Variants in RBFOX1 observed in about 807,000 individuals in gnomAD.
The protein encoded by RBFOX1 is RNA binding fox-1 homolog 1, also known as RNA binding protein fox-1 homolog 1.
Under a neutral mutation model 57.7 loss-of-function variants are expected in RBFOX1, and 8 were observed. The observed-to-expected ratio is 0.14, with a 90% CI of 0.08 to 0.25. The LOEUF is 0.25. Ranked by LOEUF, RBFOX1 falls within the 10% of genes least tolerant of loss-of-function variation. The probability of loss-of-function intolerance (pLI) is 1.00; values close to 1 mark genes in which losing one functional copy is unlikely to be tolerated. For missense variants in RBFOX1, 611 were observed against 548.5 expected (o/e 1.11, Z -1.14); for synonymous variants, 326 against 222.4 (o/e 1.47, Z -4.15).
chr16:6,365,232 A>C (rs576470060), intron 2 of RBFOX1, among the ~76,000 whole-genome samples: 2 of 152,104 alleles, frequency 1.3e-5, no homozygotes, highest in African/African-American at 2.4e-5. Context: ...AGATGGGTAG[A>C]TGGATGGATA....
chr16:6,806,824 A>AT (rs2086906992), intron 3 of RBFOX1, among the ~76,000 whole-genome samples: 3 of 69,746 alleles, frequency 4.3e-5, no homozygotes, highest in Admixed American at 1.6e-4. Context: ...ATAAATATAT[A>AT]TATATATATA....
At chr16:5,984,964 ATATATATATATATTTTTTTT>A (rs1238861163) in intron 4 of RBFOX1, among the ~76,000 whole-genome samples, 4 of 42,046 alleles carry the variant, frequency 9.5e-5, no homozygotes, top group Non-Finnish European at 1.4e-4. Flanking sequence ...ATATATATAT[ATATATATATATATTTTTTTT>A]TTTTTTTTTT....
intron 4 of RBFOX1, among the ~76,000 whole-genome samples, chr16:7,157,058 C>A (rs192422445): frequency 6.6e-6 from 1 of 152,186 alleles, no homozygotes; most frequent in South Asian, 2.1e-4. Context: ...TGTTTTTCCC[C>A]TATTATACTT....
chr16:7,701,723 C>G (rs1381837198), intron 14 of RBFOX1, among the ~76,000 whole-genome samples: 2 of 151,286 alleles, frequency 1.3e-5, no homozygotes, highest in African/African-American at 4.8e-5. Flanking sequence ...CAAATTAAAA[C>G]TAGGAGAAGG....
intron 3 of RBFOX1, among the ~76,000 whole-genome samples, chr16:5,835,580 C>T (rs886999326): frequency 6.6e-6 from 1 of 152,290 alleles, no homozygotes; most frequent in South Asian, 2.1e-4. Flanking sequence ...GCCCAGGAAT[C>T]TGCATTCCTA....
At chr16:7,107,956 A>G (rs1012370711) in intron 4 of RBFOX1, among the ~76,000 whole-genome samples, 11 of 150,374 alleles carry the variant, frequency 7.3e-5, no homozygotes, top group Admixed American at 1.3e-4. Context: ...TCTTATCTCC[A>G]TTATTATTTT....
chr16:6,333,877 G>C (rs1278399706), intron 2 of RBFOX1, among the ~76,000 whole-genome samples: 1 of 152,102 alleles, frequency 6.6e-6, no homozygotes, highest in Non-Finnish European at 1.5e-5. Context: ...TGTCTCATTA[G>C]TTGAAGAAAT....
intron 2 of RBFOX1, among the ~76,000 whole-genome samples, chr16:6,486,575 A>G (rs1307608717): frequency 3.3e-5 from 5 of 152,132 alleles, no homozygotes; most frequent in East Asian, 3.8e-4. Context: ...AGTCCTCTCT[A>G]TGAGACTTCA....
chr16:7,271,302 T>G (rs982977168), intron 4 of RBFOX1, among the ~76,000 whole-genome samples: 2 of 151,938 alleles, frequency 1.3e-5, no homozygotes, highest in Non-Finnish European at 2.9e-5. Context: ...TCTTCCTAGC[T>G]GCAAAAAGAC....
At chr16:7,500,343 G>T (rs375211795) in intron 4 of RBFOX1, among the ~76,000 whole-genome samples, 3 of 152,150 alleles carry the variant, frequency 2.0e-5, no homozygotes, top group Non-Finnish European at 4.4e-5. Flanking sequence ...GTGTGCTTCT[G>T]CTTAGTTGGG....
intron 1 of RBFOX1, among the ~76,000 whole-genome samples, chr16:6,096,868 C>T (rs554237011): frequency 3.2e-4 from 49 of 152,218 alleles, no homozygotes; most frequent in Non-Finnish European, 6.3e-4. Flanking sequence ...AAGGAGTTGG[C>T]ACTGCCAAGT....
intron 1 of RBFOX1, among the ~76,000 whole-genome samples, chr16:5,244,654 G>A (rs995914415): frequency 6.6e-6 from 1 of 152,234 alleles, no homozygotes; most frequent in African/African-American, 2.4e-5. Context: ...GCTGGAACGC[G>A]GTGTGTCTGC....
intron 3 of RBFOX1, among the ~76,000 whole-genome samples, chr16:5,806,544 C>A (rs1018481227): frequency 2.0e-5 from 3 of 152,196 alleles, no homozygotes; most frequent in African/African-American, 7.2e-5. Context: ...GAACTTTCAA[C>A]AGGAATTTTG....
intron 4 of RBFOX1, among the ~76,000 whole-genome samples, chr16:7,355,562 A>G (rs902197772): frequency 2.0e-5 from 3 of 152,176 alleles, no homozygotes; most frequent in African/African-American, 4.8e-5. Flanking sequence ...CATCACCCAC[A>G]TGATTTTGCT....
chr16:6,990,411 G>C (rs1043025857), intron 3 of RBFOX1, among the ~76,000 whole-genome samples: 7 of 152,064 alleles, frequency 4.6e-5, no homozygotes, highest in Non-Finnish European at 1.0e-4. Context: ...TGTAATCCCA[G>C]CTATTCAGGA....
chr16:7,190,386 A>T (rs1042101556), intron 4 of RBFOX1, among the ~76,000 whole-genome samples: 11 of 152,174 alleles, frequency 7.2e-5, no homozygotes, highest in African/African-American at 2.7e-4. Flanking sequence ...AATATAAAAT[A>T]AAAAATAAAA....
chr16:7,134,470 T>A (rs1309183454), intron 4 of RBFOX1, among the ~76,000 whole-genome samples: 1 of 152,228 alleles, frequency 6.6e-6, no homozygotes, highest in South Asian at 2.1e-4. Flanking sequence ...TTTTCCAGTT[T>A]GGACTCACAG....
intron 13 of RBFOX1, among the ~76,000 whole-genome samples, chr16:7,676,445 A>G (rs1032864890): frequency 9.2e-5 from 14 of 152,224 alleles, no homozygotes; most frequent in African/African-American, 3.4e-4. Flanking sequence ...TCAGCAAAGT[A>G]TAAAGAGTAT....
chr16:6,493,475 T>C (rs921346717), intron 2 of RBFOX1, among the ~76,000 whole-genome samples: 2 of 152,184 alleles, frequency 1.3e-5, no homozygotes, highest in Non-Finnish European at 2.9e-5. Flanking sequence ...CTGCTAAAAG[T>C]TGTATACAGT....
Sources: allele counts gnomAD v4.1 joint callset (sites outside exome capture counted in the v4.1 genomes callset), GRCh38; gene constraint gnomAD v4.1.1; transcripts MANE v1.5; gene names NCBI Gene and HGNC (gene_info 2026-07-23, HGNC 2026-07-21).